Variants in PYHIN1 observed in about 807,000 individuals in gnomAD.
PYHIN1 encodes the protein pyrin and HIN domain family member 1.
Under a neutral mutation model 43.7 loss-of-function variants are expected in PYHIN1, and 32 were observed. The ratio of observed to expected loss-of-function variants is 0.73; its 90% CI spans 0.55 to 0.98. PYHIN1 has a LOEUF of 0.98. PYHIN1 is among the 50% of genes least tolerant of loss of function. The probability of loss-of-function intolerance (pLI) is 0.00; values close to 1 mark genes in which losing one functional copy is unlikely to be tolerated. For synonymous variants in PYHIN1, 205 were observed against 203.1 expected (o/e 1.01, Z -0.08); for missense variants, 588 against 589.5 (o/e 1.00, Z 0.03).
At chr1:158,981,843 G>A (rs945294847), downstream of PYHIN1, among the ~76,000 whole-genome samples, 1 of 152,138 alleles carries the variant, frequency 6.6e-6, no homozygotes, top group African/African-American at 2.4e-5. Flanking sequence ...TATTCTGACT[G>A]GTGTGAGCTG....
intron 4 of PYHIN1, 102 bp downstream of exon 4, chr1:158,939,349 A>G (rs567872964): frequency 6.3e-7 from 1 of 1,592,440 alleles, no homozygotes; most frequent in Non-Finnish European, 8.6e-7. Flanking sequence ...ATCAGCCAGT[A>G]AATCAAATGT....
Position 158,933,716 on chromosome 1 carries a change from C to T in PYHIN1, c.-21+1940C>T, listed in dbSNP as rs1382824010. Among the ~76,000 whole-genome samples the T allele has an allele frequency of 6.6e-6, 1 of 152,012 alleles. No homozygotes were observed. Among genetic ancestry groups the T allele is most frequent in the Non-Finnish European group, 1.5e-5 (1 of 67,938 alleles). On this transcript the variant is annotated intron_variant, in intron 1 of 8. Transcript: ENST00000368140. This position sits in a 1 kb window ranked among gnomAD's most constrained non-coding sequence, Gnocchi z 6.3. ...TTGTCTGTTTTTAAAACTTATATTTCCATCTCACCCTTTAAGACAATTACA... is the reference window on the plus strand; with the variant it reads ...TTGTCTGTTTTTAAAACTTATATTTTCATCTCACCCTTTAAGACAATTACA...
rs140572124 is a variant in PYHIN1, at chr1:158,943,658, T to C, written c.1003-132T>C. 1.6e-3 allele frequency: 910 copies of C among 552,350 alleles called. 6 individuals carry two copies. Among genetic ancestry groups the C allele is most frequent in the African/African-American group, 0.015 (821 of 53,668 alleles). The allele number at this position is 552,350 out of a possible 1,614,324, so 34.2% of individuals were successfully genotyped here. On this transcript the variant is annotated intron_variant, in intron 5 of 8. Transcript: ENST00000368140. ...CTGTGAGATGGTCTAGACTAAGGCA[T>C]ATGTATTGTATGTCGATACAGTACT...
chr1:158,978,255 A>ATG (rs879572001), downstream of PYHIN1, among the ~76,000 whole-genome samples: 2 of 151,020 alleles, frequency 1.3e-5, no homozygotes, highest in African/African-American at 4.9e-5. Flanking sequence ...TAATATTCAT[A>ATG]TGTGTGTGTG....
chr1:158,962,443 T>C (rs1047890282), intron 7 of PYHIN1, among the ~76,000 whole-genome samples: 1 of 152,108 alleles, frequency 6.6e-6, no homozygotes, highest in East Asian at 1.9e-4. Flanking sequence ...GGAGAAGTGA[T>C]CGGACCGTTG....
intron 7 of PYHIN1, among the ~76,000 whole-genome samples, chr1:158,956,561 T>C (rs1323167796): frequency 1.3e-5 from 2 of 151,736 alleles, no homozygotes; most frequent in Non-Finnish European, 1.5e-5. Flanking sequence ...CAACCCTTCA[T>C]GCTAAAAACT....
intron 7 of PYHIN1, among the ~76,000 whole-genome samples, chr1:158,961,201 TAAGAG>T (rs145763499): frequency 2.6e-5 from 4 of 152,326 alleles, no homozygotes; most frequent in Non-Finnish European, 4.4e-5. Flanking sequence ...GCCTTATACA[TAAGAG>T]AAAACTGAAA....
At chr1:158,971,033 A>C (rs1650904137) in intron 7 of PYHIN1, among the ~76,000 whole-genome samples, 1 of 151,984 alleles carries the variant, frequency 6.6e-6, no homozygotes, top group African/African-American at 2.4e-5. Flanking sequence ...GAGAGAGTAG[A>C]TATTAAAATA....
intron 7 of PYHIN1, among the ~76,000 whole-genome samples, chr1:158,952,761 C>T (rs550164610): frequency 3.3e-5 from 5 of 152,100 alleles, no homozygotes; most frequent in African/African-American, 1.2e-4. Flanking sequence ...CCAAGATGGC[C>T]GAACAGGAAT....
At chr1:158,949,711 C>T (rs1024910803) in intron 7 of PYHIN1, among the ~76,000 whole-genome samples, 2 of 152,122 alleles carry the variant, frequency 1.3e-5, no homozygotes, top group African/African-American at 4.8e-5. Context: ...AGGACATGAA[C>T]TCATCATTTT....
chr1:158,939,433 A>G (rs539378663), intron 4 of PYHIN1, 186 bp downstream of exon 4: 1 of 1,553,310 alleles, frequency 6.4e-7, no homozygotes, highest in African/African-American at 1.4e-5. Context: ...ATTATCTCTG[A>G]CTGCAGGAAG....
chr1:158,942,055 C>T lies in PYHIN1; in HGVS notation c.658C>T (p.Leu220=), dbSNP rs1218080350. 10 of 1,613,890 alleles carry T rather than the reference C, an allele frequency of 6.2e-6. No individual in the cohort carries two copies. Among genetic ancestry groups the T allele is most frequent in the Non-Finnish European group, 7.6e-6 (9 of 1,179,930 alleles). Residue 220 remains leucine, a synonymous_variant, in exon 5 of 9, where the codon CTA becomes TTA. Coordinates refer to ENST00000368140, the MANE Select transcript of PYHIN1 (RefSeq NM_152501.5). ...AGAAGACCCAATAATCGCGATGGTACTAAATGCAACAAAAGTATTTAAATA... is the reference window on the plus strand; with the variant it reads ...AGAAGACCCAATAATCGCGATGGTATTAAATGCAACAAAAGTATTTAAATA... The part of the protein sequence containing the change: ...FREDPIIAMV[L]NATKVFKYES...
At chr1:158,949,171 C>T (rs1441590197) in intron 7 of PYHIN1, among the ~76,000 whole-genome samples, 1 of 152,120 alleles carries the variant, frequency 6.6e-6, no homozygotes, top group Non-Finnish European at 1.5e-5. Flanking sequence ...ATCCCCCCAT[C>T]AGCCCAAATC....
In PYHIN1 at chr1:158,973,653, G is replaced by T; in HGVS notation, c.1366G>T (p.Glu456Ter). 1 of 1,613,000 alleles carries T rather than the reference G, an allele frequency of 6.2e-7. No individual in the cohort carries two copies. The highest frequency in any genetic ancestry group is 8.5e-7 in the Non-Finnish European group (1 of 1,179,336). ...PSSSSFTKKD[E>*]THPGAQSSPA... ...CCCAAATTTATGACTCCAGAAGGAT[G>T]AAACCCACCCAGGAGCACAGTCATC... The change falls in exon 8 of 9, where the codon GAA becomes TAA. Residue 456 changes from glutamate (E) to a stop codon, truncating the protein, a stop_gained. Coordinates refer to ENST00000368140, the MANE Select transcript of PYHIN1 (RefSeq NM_152501.5). LOFTEE classifies it high-confidence loss of function.
At chr1:158,970,820 T>C (rs1424328796) in intron 7 of PYHIN1, among the ~76,000 whole-genome samples, 2 of 152,042 alleles carry the variant, frequency 1.3e-5, no homozygotes, top group Non-Finnish European at 2.9e-5. Context: ...GTGTTTATTA[T>C]AAAATGTATA....
At chr1:158,931,882 G>A (rs544774887) in intron 1 of PYHIN1, 106 bp downstream of exon 1, 1 of 152,164 alleles carries the variant, frequency 6.6e-6, no homozygotes, top group Non-Finnish European at 1.5e-5. Context: ...AGTGGGGTGA[G>A]GGCAGTAGGG....
At chr1:158,987,195 C>T in the PYHIN1 span, among the ~76,000 whole-genome samples, 1 of 152,114 alleles carries the variant, frequency 6.6e-6, no homozygotes, top group Non-Finnish European at 1.5e-5. Flanking sequence ...GTAGAAAAGT[C>T]CTAATTTCTC....
chr1:158,961,138 T>C (rs893742359), intron 7 of PYHIN1, among the ~76,000 whole-genome samples: 4 of 152,182 alleles, frequency 2.6e-5, no homozygotes, highest in Non-Finnish European at 5.9e-5. Context: ...TATATGTATA[T>C]GTATATTATC....
intron 7 of PYHIN1, among the ~76,000 whole-genome samples, chr1:158,965,025 A>G (rs1219493271): frequency 6.6e-6 from 1 of 152,192 alleles, no homozygotes; most frequent in East Asian, 1.9e-4. Flanking sequence ...TTGGCTCAAA[A>G]TAAAAGGACA....
Sources: gnomAD v4.1 joint callset for allele counts (sites outside exome capture counted in the v4.1 genomes callset) on GRCh38, gnomAD v4.1.1 for gene constraint, Gnocchi (gnomAD v3.1) non-coding constraint, MANE v1.5 for transcripts, NCBI Gene and HGNC (gene_info 2026-07-23, HGNC 2026-07-21) for gene names.